TIGAR: variants seen among roughly 807,000 people sequenced by gnomAD.
The protein encoded by TIGAR is TP53 induced glycolysis regulatory phosphatase.
A neutral mutation model predicts 17.9 loss-of-function variants in TIGAR; 7 were observed. The ratio of observed to expected loss-of-function variants is 0.39; its 90% CI spans 0.22 to 0.73. The LOEUF (loss-of-function observed/expected upper bound fraction) is 0.73, where lower values mean the gene tolerates loss of function less well. Among genes scored for constraint, TIGAR ranks in the 30% least tolerant of loss-of-function variants. TIGAR has a pLI of 0.42. For missense variants in TIGAR, 258 were observed against 327.4 expected (o/e 0.79, Z 1.64); for synonymous variants, 94 against 108.6 (o/e 0.87, Z 0.84).
chr12:4,326,343 A>C (rs187056930), intron 1 of TIGAR, among the ~76,000 whole-genome samples: 3 of 152,238 alleles, frequency 2.0e-5, no homozygotes, highest in Admixed American at 2.0e-4. Flanking sequence ...TTTAGCCATC[A>C]AGTTTCCTTT....
At chr12:4,340,044 C>T (rs962712640) in intron 3 of TIGAR, among the ~76,000 whole-genome samples, 1 of 152,094 alleles carries the variant, frequency 6.6e-6, no homozygotes, top group African/African-American at 2.4e-5. Flanking sequence ...TGTTATTCAA[C>T]GTAGTACTGG....
At chr12:4,322,037 C>G (rs1408624194) in intron 1 of TIGAR, among the ~76,000 whole-genome samples, 2 of 151,864 alleles carry the variant, frequency 1.3e-5, no homozygotes, top group Non-Finnish European at 2.9e-5. Flanking sequence ...GCTCTGTCAC[C>G]CAGGCTGGAG....
At chr12:4,343,553 C>G (rs191790381) in intron 3 of TIGAR, among the ~76,000 whole-genome samples, 85 of 152,332 alleles carry the variant, frequency 5.6e-4, no homozygotes, top group African/African-American at 1.5e-3. Flanking sequence ...ATAGTGCAAT[C>G]AAACTAGAAC....
In TIGAR at chr12:4,350,038, C is replaced by A. The variant is rs1864821101; in HGVS notation, c.270+142C>A. 15 of 598,938 alleles carry A rather than the reference C, an allele frequency of 2.5e-5. No homozygotes were observed. The South Asian group carries it at 3.6e-4, about 14-fold the overall frequency. The allele number at this position is 598,938 out of a possible 1,614,324, so 37.1% of individuals were successfully genotyped here. On this transcript the variant is annotated intron_variant, in intron 4 of 5. Coordinates refer to ENST00000179259, the MANE Select transcript of TIGAR (RefSeq NM_020375.3). ...ATTTAAGAATCTACCATATGACAGT[C>A]ACTGTTACATACCCTCGTATATAGG...
At chr12:4,345,305 A>G (rs1438017502) in intron 3 of TIGAR, among the ~76,000 whole-genome samples, 5 of 152,340 alleles carry the variant, frequency 3.3e-5, no homozygotes, top group African/African-American at 1.2e-4. Flanking sequence ...TGCCAAGTCA[A>G]TCCTAAGCCA....
Position 4,356,499 on chromosome 12 carries a change from C to T in TIGAR, c.*3808C>T, listed in dbSNP as rs747932567. Reference sequence around the variant, plus strand: ...TTCCCATCTATCCCCTGCCCCTACACACGCATTGCTTCTCCTACTATCAAC... The same window carrying T: ...TTCCCATCTATCCCCTGCCCCTACATACGCATTGCTTCTCCTACTATCAAC... On this transcript the variant is annotated 3_prime_UTR_variant, in exon 6 of 6. Transcript: ENST00000179259. Among the ~76,000 whole-genome samples, 7 of 152,154 alleles carry T rather than the reference C, an allele frequency of 4.6e-5. No individual in the cohort carries two copies. Among genetic ancestry groups the T allele is most frequent in the Non-Finnish European group, 1.0e-4 (7 of 68,022 alleles).
At chr12:4,345,595 T>C (rs1280726956) in intron 3 of TIGAR, among the ~76,000 whole-genome samples, 4 of 152,262 alleles carry the variant, frequency 2.6e-5, no homozygotes, top group African/African-American at 9.6e-5. Context: ...TTACACCTTA[T>C]ACAAAAATTA....
rs1374362414 is a variant in TIGAR at position 4,354,274 on chromosome 12, T to C, written c.*1583T>C. 2.0e-5 allele frequency: 3 copies of C among 152,180 alleles called. No homozygotes were observed. Among genetic ancestry groups the C allele is most frequent in the African/African-American group, 7.2e-5 (3 of 41,438 alleles). The allele number at this position is 152,180 out of a possible 1,614,324, so 9.4% of individuals were successfully genotyped here. A position where few individuals can be genotyped will look rare whatever the true frequency, so the allele number is the denominator to read the frequency against. On this transcript the variant is annotated 3_prime_UTR_variant, in exon 6 of 6. Coordinates refer to ENST00000179259, the MANE Select transcript of TIGAR (RefSeq NM_020375.3). ...ACGTGTTTGAGCATCAGAGGAAGTA[T>C]ACTGTAAATAAAAATTTGAAAAATA...
intron 2 of TIGAR, among the ~76,000 whole-genome samples, chr12:4,334,470 A>G (rs1864637448): frequency 6.6e-6 from 1 of 152,190 alleles, no homozygotes; most frequent in African/African-American, 2.4e-5. Context: ...GGGGGGACAC[A>G]TTTACTCTGA....
At chr12:4,327,896 G>T (rs1306973873) in intron 1 of TIGAR, among the ~76,000 whole-genome samples, 3 of 152,160 alleles carry the variant, frequency 2.0e-5, no homozygotes, top group Admixed American at 6.5e-5. Context: ...TCAAACTCCT[G>T]ACCTCATGAT....
chr12:4,350,161 G>A (rs1321309767), intron 4 of TIGAR, among the ~76,000 whole-genome samples: 3 of 152,152 alleles, frequency 2.0e-5, no homozygotes, highest in Non-Finnish European at 4.4e-5. Flanking sequence ...TAAAGTAAAG[G>A]TGAAAAATAT....
chr12:4,333,325 T>C (rs1033036729), intron 2 of TIGAR, among the ~76,000 whole-genome samples: 1 of 151,392 alleles, frequency 6.6e-6, no homozygotes, highest in Admixed American at 6.6e-5. Context: ...AGTCTTGCTC[T>C]GTCACCCAGG....
At chr12:4,347,913 A>G (rs1864798435) in intron 3 of TIGAR, among the ~76,000 whole-genome samples, 1 of 152,192 alleles carries the variant, frequency 6.6e-6, no homozygotes, top group Admixed American at 6.6e-5. Context: ...AAGCGGGAAG[A>G]TCACTTGAGC....
intron 1 of TIGAR, chr12:4,324,761 G>T: frequency 2.9e-6 from 2 of 692,606 alleles, no homozygotes; most frequent in Non-Finnish European, 5.3e-6. Flanking sequence ...AGTCTGTGCC[G>T]CGGTAGGTGA....
In TIGAR at chr12:4,358,103, CAA is replaced by C. The variant is rs4026708; in HGVS notation, c.*5429_*5430del. Among the ~76,000 whole-genome samples, 14,403 of 123,142 alleles carry C rather than the reference CAA, an allele frequency of 0.12. 967 individuals are homozygous for C. Among genetic ancestry groups the C allele is most frequent in the African/African-American group, 0.2 (6,472 of 31,864 alleles). 80.8% of individuals were successfully genotyped at this position (123,142 alleles called of 152,430 possible). A position where few individuals can be genotyped will look rare whatever the true frequency, so the allele number is the denominator to read the frequency against. On this transcript the variant is annotated 3_prime_UTR_variant, in exon 6 of 6. Coordinates refer to ENST00000179259, the MANE Select transcript of TIGAR (RefSeq NM_020375.3). ...TGGGTGACAGAGCAAGACTGGGTCT[CAA>C]AAAAAAAAAAAAAAAATCATTTGAT...
intron 2 of TIGAR, among the ~76,000 whole-genome samples, chr12:4,334,780 T>G (rs1323365666): frequency 6.6e-6 from 1 of 152,232 alleles, no homozygotes; most frequent in Non-Finnish European, 1.5e-5. Flanking sequence ...CTCTCAGCAC[T>G]TGGAAGATAG....
rs754936590 is a variant in TIGAR at position 4,321,241 on chromosome 12, G to A, written c.-31G>A. ...CCGCAGTGCAGGGGCAGCGCGGCGC[G>A]GGGCCACCGACGGGACGCGGCTCCG... On this transcript the variant is annotated 5_prime_UTR_variant, in exon 1 of 6. Transcript: ENST00000179259. The surrounding 1 kb of genome is among the most constrained non-coding windows in gnomAD (Gnocchi z 5.2). 54 of 1,599,416 alleles carry A rather than the reference G, an allele frequency of 3.4e-5. No homozygotes were observed. Among genetic ancestry groups the A allele is most frequent in the Non-Finnish European group, 2.4e-5 (28 of 1,179,708 alleles).
intron 2 of TIGAR, among the ~76,000 whole-genome samples, chr12:4,336,075 G>T (rs916963190): frequency 2.0e-5 from 3 of 152,150 alleles, no homozygotes; most frequent in African/African-American, 7.2e-5. Flanking sequence ...GGTGGCTTTG[G>T]TTTATGGTAG....
chr12:4,336,969 C>A, intron 2 of TIGAR, 70 bp from the exon 3 acceptor site: 1 of 1,388,882 alleles, frequency 7.2e-7, no homozygotes, highest in South Asian at 1.8e-5. Flanking sequence ...CTTATATTTT[C>A]TACATGTGAT....
Sources: gnomAD v4.1 joint callset for allele counts (sites outside exome capture counted in the v4.1 genomes callset) on GRCh38, gnomAD v4.1.1 for gene constraint, Gnocchi (gnomAD v3.1) non-coding constraint, MANE v1.5 for transcripts, NCBI Gene and HGNC (gene_info 2026-07-23, HGNC 2026-07-21) for gene names.